Variants in IQUB observed in about 807,000 individuals in gnomAD.
IQUB encodes the protein IQ motif and ubiquitin-like domain-containing protein.
In IQUB, 86 loss-of-function variants were observed where a neutral mutation model predicts 86.4. The observed-to-expected ratio is 1.00, with a 90% CI of 0.84 to 1.19. The LOEUF (loss-of-function observed/expected upper bound fraction) is 1.19. Among genes scored for constraint, IQUB ranks in the 50% most tolerant of loss-of-function variants. The probability of loss-of-function intolerance (pLI) is 0.00; values close to 1 mark genes in which losing one functional copy is unlikely to be tolerated. For synonymous variants in IQUB, 289 were observed against 304.5 expected, an observed-to-expected ratio of 0.95 and a Z score of 0.53; for missense variants, 946 against 916.9, an observed-to-expected ratio of 1.03 and a Z score of -0.41.
intron 9 of IQUB, among the ~76,000 whole-genome samples, chr7:123,467,668 T>C (rs1355652372): frequency 6.6e-6 from 1 of 152,216 alleles, no homozygotes; most frequent in Non-Finnish European, 1.5e-5. Context: ...TACTTTATAG[T>C]TGGCACAGCC....
intron 8 of IQUB, among the ~76,000 whole-genome samples, chr7:123,470,531 TAG>T (rs1563435617): frequency 6.6e-6 from 1 of 152,098 alleles, no homozygotes; most frequent in Non-Finnish European, 1.5e-5. Flanking sequence ...ACTAACCAAA[TAG>T]AGACATTATA....
chr7:123,498,875 T>A (rs1562858849), intron 6 of IQUB, among the ~76,000 whole-genome samples: 1 of 152,212 alleles, frequency 6.6e-6, no homozygotes, highest in Non-Finnish European at 1.5e-5. Flanking sequence ...AACAGCCACA[T>A]GCTCAGATAA....
chr7:123,504,090 AC>A (rs1300757003), intron 3 of IQUB, among the ~76,000 whole-genome samples: 1 of 152,104 alleles, frequency 6.6e-6, no homozygotes, highest in African/African-American at 2.4e-5. Flanking sequence ...TAGCCATCCT[AC>A]CCCCCATATT....
At chr7:123,461,161 G>A (rs1012511437) in intron 11 of IQUB, among the ~76,000 whole-genome samples, 196 bp downstream of exon 11, 12 of 151,558 alleles carry the variant, frequency 7.9e-5, no homozygotes, top group Admixed American at 4.0e-4. Flanking sequence ...ATAAAAACTT[G>A]GTACTGTATT....
At chr7:123,474,685 G>A (rs1191209650) in intron 8 of IQUB, among the ~76,000 whole-genome samples, 3 of 152,166 alleles carry the variant, frequency 2.0e-5, no homozygotes, top group Non-Finnish European at 2.9e-5. Context: ...GGACTAATTA[G>A]GCTATGTGCA....
chr7:123,483,355 T>A (rs1584585398), intron 7 of IQUB, among the ~76,000 whole-genome samples: 2 of 152,096 alleles, frequency 1.3e-5, no homozygotes, highest in East Asian at 3.9e-4. Flanking sequence ...ACCATCTAAA[T>A]CTTTCAGATG....
At chr7:123,532,230 T>A (rs1196163776) in intron 1 of IQUB, 1 of 152,176 alleles carries the variant, frequency 6.6e-6, no homozygotes, top group African/African-American at 2.4e-5. Flanking sequence ...CTAATAAAAA[T>A]TATTTTTTTC....
At chr7:123,493,846 A>T (rs139482965) in intron 7 of IQUB, among the ~76,000 whole-genome samples, 4 of 148,684 alleles carry the variant, frequency 2.7e-5, no homozygotes, top group Admixed American at 2.7e-4. Flanking sequence ...ATATACATAT[A>T]CACATATTTG....
At position 123,507,635 on chromosome 7, in the gene IQUB, C is replaced by T. The variant is rs144582437; in HGVS notation, c.532+2266G>A. On this transcript the variant is annotated intron_variant, in intron 3 of 12. Coordinates refer to ENST00000324698, the MANE Select transcript of IQUB (RefSeq NM_178827.5). ...GTGGCTCACACCTGTAATCCCAGCA[C>T]TTTGCAAGGCGGGTGGATCATGAGG... is the stretch of plus-strand genomic sequence containing the variant. Among the ~76,000 whole-genome samples, 192 of 152,238 alleles carry T rather than the reference C, an allele frequency of 1.3e-3. 1 individual carries two copies. The highest frequency in any genetic ancestry group is 4.3e-3 in the African/African-American group (177 of 41,550).
Position 123,503,349 on chromosome 7 carries a change from T to A in IQUB, c.547A>T (p.Asn183Tyr). The change falls in exon 4 of 13, where the codon AAT (asparagine) becomes TAT (tyrosine). Residue 183 changes from asparagine (N) to tyrosine (Y), a missense_variant. Physicochemically the swap from Asn to Tyr is moderately radical, Grantham distance 143. Transcript: ENST00000324698. ...CCATGTTGTACTAGAGTCTCATTAT[T>A]TTTAAGAATTTTTCCTAAAAATTGA... ...QIRYSGKILKNNETLVQHGVK... is the reference protein window; with the variant it reads ...QIRYSGKILKYNETLVQHGVK... 3.3e-6 allele frequency: 5 copies of A among 1,504,738 alleles called. No homozygotes were observed. Among genetic ancestry groups the A allele is most frequent in the Non-Finnish European group, 4.5e-6 (5 of 1,115,908 alleles). The allele number at this position is 1,504,738 out of a possible 1,614,324, so 93.2% of individuals were successfully genotyped here. A position where few individuals can be genotyped will look rare whatever the true frequency, so the allele number is the denominator to read the frequency against.
intron 7 of IQUB, among the ~76,000 whole-genome samples, chr7:123,494,283 A>G (rs1795617294): frequency 6.6e-6 from 1 of 152,016 alleles, no homozygotes; most frequent in Non-Finnish European, 1.5e-5. Flanking sequence ...AATTAATATC[A>G]TTTTGCTTTT....
At chr7:123,493,721 A>ATGTGTGTGTGTG (rs753344642) in intron 7 of IQUB, among the ~76,000 whole-genome samples, 16 of 128,408 alleles carry the variant, frequency 1.2e-4, no homozygotes, top group African/African-American at 2.8e-4. Flanking sequence ...CCTGAGAGAA[A>ATGTGTGTGTGTG]TGTGTGTGTA....
At position 123,502,690 on chromosome 7, in the gene IQUB, G is replaced by A. The variant is rs1279525351; in HGVS notation, c.930C>T (p.Asn310=). The change falls in exon 6 of 13, where the codon AAC becomes AAT. Residue 310 remains asparagine (N), a synonymous_variant. Coordinates refer to ENST00000324698, the MANE Select transcript of IQUB (RefSeq NM_178827.5). ...TTNTTSTQMT[N]IGVYVSNMTD... ...TCATATTTGATACATATACACCAAT[G>A]TTAGTCATCTGTGTGGATGTTGTAT... is the stretch of plus-strand genomic sequence containing the variant. 2 of 1,611,500 alleles carry A rather than the reference G, an allele frequency of 1.2e-6. No homozygotes were observed. The highest frequency in any genetic ancestry group is 2.2e-5 in the East Asian group (1 of 44,812).
At chr7:123,507,846 G>A (rs1789100024) in intron 3 of IQUB, among the ~76,000 whole-genome samples, 1 of 150,462 alleles carries the variant, frequency 6.6e-6, no homozygotes, top group South Asian at 2.1e-4. Context: ...ACTCCAGCCT[G>A]GACAACAGAG....
intron 9 of IQUB, among the ~76,000 whole-genome samples, chr7:123,467,221 AT>A (rs1311327127): frequency 1.3e-5 from 2 of 152,084 alleles, no homozygotes; most frequent in African/African-American, 4.8e-5. Context: ...AATGGTCCTA[AT>A]AACAGTAGGG....
chr7:123,470,449 A>C lies in IQUB; in HGVS notation c.1411-1065T>G, dbSNP rs1272432167. On this transcript the variant is annotated intron_variant, in intron 8 of 12. Coordinates refer to ENST00000324698, the MANE Select transcript of IQUB (RefSeq NM_178827.5). ...TTTACACCATACTTGCAAACATTTA[A>C]ATCTTAGATGTGATCTAATGTAAGG... 2.0e-5 allele frequency among the ~76,000 whole-genome samples: 3 copies of C among 152,202 alleles called. No homozygotes were observed. The East Asian group carries it at 5.8e-4, about 29-fold the overall frequency.
intron 7 of IQUB, among the ~76,000 whole-genome samples, chr7:123,486,616 G>A (rs1399888217): frequency 1.3e-5 from 2 of 152,134 alleles, no homozygotes; most frequent in African/African-American, 4.8e-5. Flanking sequence ...CAAGTCTAAA[G>A]AGATTCGGTA....
At chr7:123,488,913 A>T (rs562677481) in intron 7 of IQUB, among the ~76,000 whole-genome samples, 1 of 152,366 alleles carries the variant, frequency 6.6e-6, no homozygotes, top group South Asian at 2.1e-4. Flanking sequence ...AAATGAATAA[A>T]TTGTGGTTAT....
At chr7:123,454,714 T>C (rs529820834) in intron 12 of IQUB, among the ~76,000 whole-genome samples, 24 of 152,244 alleles carry the variant, frequency 1.6e-4, no homozygotes, top group African/African-American at 5.3e-4. Flanking sequence ...ACACCCACAT[T>C]TTCCTGAATG....
Sources: gnomAD v4.1 joint callset for allele counts (sites outside exome capture counted in the v4.1 genomes callset) on GRCh38, gnomAD v4.1.1 for gene constraint, MANE v1.5 for transcripts, NCBI Gene and HGNC (gene_info 2026-07-23, HGNC 2026-07-21) for gene names.